PIK3R3: variants seen among roughly 807,000 people sequenced by gnomAD.
The protein encoded by PIK3R3 is phosphatidylinositol 3-kinase regulatory subunit gamma.
PIK3R3 carries 64 observed loss-of-function variants against 62.9 expected under a neutral mutation model. The ratio of observed to expected loss-of-function variants is 1.02; its 90% CI spans 0.83 to 1.25. PIK3R3 has a LOEUF of 1.25. Ranked by LOEUF, PIK3R3 falls within the 50% of genes most tolerant of loss-of-function variation. PIK3R3 has a pLI of 0.00. For synonymous variants in PIK3R3, 165 were observed against 189.0 expected (o/e 0.87, Z 1.04); for missense variants, 614 against 561.6 (o/e 1.09, Z -0.94).
intron 1 of PIK3R3, among the ~76,000 whole-genome samples, chr1:46,128,915 T>C (rs1354383337): frequency 8.6e-5 from 13 of 152,002 alleles, no homozygotes; most frequent in Admixed American, 7.9e-4. Context: ...CTACTAACAA[T>C]ACAAAAATTA....
chr1:46,045,362 CTG>C (rs1647081024), intron 9 of PIK3R3, among the ~76,000 whole-genome samples: 1 of 152,126 alleles, frequency 6.6e-6, no homozygotes, highest in Non-Finnish European at 1.5e-5. Flanking sequence ...AAAAATCTGA[CTG>C]AAGCACAGTT....
chr1:46,170,973 T>C, the PIK3R3 span, among the ~76,000 whole-genome samples: 3 of 152,270 alleles, frequency 2.0e-5, no homozygotes, highest in South Asian at 6.2e-4. Context: ...AATTCTGTGA[T>C]GCTAAGATTC....
chr1:46,078,542 A>C (rs1043716937), intron 2 of PIK3R3, among the ~76,000 whole-genome samples: 11 of 151,288 alleles, frequency 7.3e-5, no homozygotes, highest in African/African-American at 2.7e-4. Context: ...ACTCTATCTC[A>C]AAAAAAAAAT....
At chr1:46,140,381 A>G in the PIK3R3 span, among the ~76,000 whole-genome samples, 1 of 152,194 alleles carries the variant, frequency 6.6e-6, no homozygotes, top group Non-Finnish European at 1.5e-5. Flanking sequence ...GACATTGGGG[A>G]AAAATTACCA....
the PIK3R3 span, among the ~76,000 whole-genome samples, chr1:46,171,626 C>T: frequency 2.6e-5 from 4 of 152,134 alleles, no homozygotes; most frequent in South Asian, 2.1e-4. Context: ...TCCAGCCTGG[C>T]GCCCCAGGGG....
At chr1:46,164,386 T>G in the PIK3R3 span, among the ~76,000 whole-genome samples, 11 of 152,146 alleles carry the variant, frequency 7.2e-5, no homozygotes, top group Non-Finnish European at 1.0e-4. Flanking sequence ...GCCAACACTG[T>G]GGTTCATACC....
chr1:46,054,613 T>C (rs1647697561), intron 7 of PIK3R3, among the ~76,000 whole-genome samples: 1 of 152,150 alleles, frequency 6.6e-6, no homozygotes, highest in Non-Finnish European at 1.5e-5. Flanking sequence ...AGGTCACCCA[T>C]AGATGCATTT....
the PIK3R3 span, among the ~76,000 whole-genome samples, chr1:46,162,660 C>T: frequency 6.6e-6 from 1 of 152,060 alleles, no homozygotes; most frequent in Non-Finnish European, 1.5e-5. Flanking sequence ...CTTGCTCTGT[C>T]GCCCAGGCTG....
chr1:46,066,158 TATC>T lies in PIK3R3; in HGVS notation c.514_516del (p.Asp172del). On this transcript the variant is annotated inframe_deletion, in exon 5 of 10. Transcript: ENST00000262741. ...AGTTTTTTACCTACTGCATCAATAT[TATC>T]TTCTTTTACCAACTGATCCTATACA... 6.3e-7 allele frequency: 1 copy of T among 1,577,148 alleles called. No individual in the cohort carries two copies. Among genetic ancestry groups the T allele is most frequent in the Non-Finnish European group, 8.7e-7 (1 of 1,147,252 alleles).
At chr1:46,104,688 G>T (rs921131669) in intron 1 of PIK3R3, among the ~76,000 whole-genome samples, 9 of 152,090 alleles carry the variant, frequency 5.9e-5, no homozygotes, top group Admixed American at 6.6e-5. Context: ...CAGCACTTTG[G>T]AAGGCTGAGG....
At chr1:46,174,767 T>C in the PIK3R3 span, among the ~76,000 whole-genome samples, 1 of 152,164 alleles carries the variant, frequency 6.6e-6, no homozygotes, top group Non-Finnish European at 1.5e-5. Flanking sequence ...CCCTACTTTC[T>C]GGGCTCAAAC....
chr1:46,044,340 C>T lies in PIK3R3; in HGVS notation c.1188-469G>A, dbSNP rs1344707515. Among the ~76,000 whole-genome samples the T allele has an allele frequency of 1.3e-5, 2 of 152,112 alleles. No homozygotes were observed. Among genetic ancestry groups the T allele is most frequent in the Non-Finnish European group, 2.9e-5 (2 of 68,010 alleles). Reference sequence around the variant, plus strand: ...CCTCCTGCCTTAGCCTATTAAAATGCTGGGATTACAGGTGTGAGCCACCAC... The same window carrying T: ...CCTCCTGCCTTAGCCTATTAAAATGTTGGGATTACAGGTGTGAGCCACCAC... On this transcript the variant is annotated intron_variant, in intron 9 of 9. Transcript: ENST00000262741. The surrounding 1 kb of genome is among the most constrained non-coding windows in gnomAD (Gnocchi z 4.2).
chr1:46,128,165 T>C (rs113775731), intron 1 of PIK3R3, among the ~76,000 whole-genome samples: 2 of 152,334 alleles, frequency 1.3e-5, no homozygotes, highest in African/African-American at 2.4e-5. Flanking sequence ...CTAGGCATAG[T>C]GGCTCACGTC....
At chr1:46,047,549 T>G (rs761092082) in intron 7 of PIK3R3, among the ~76,000 whole-genome samples, 2 of 152,168 alleles carry the variant, frequency 1.3e-5, no homozygotes, top group Non-Finnish European at 2.9e-5. Context: ...TCCTTTCAGA[T>G]GGCCAATAGT....
intron 6 of PIK3R3, among the ~76,000 whole-genome samples, chr1:46,059,388 T>C (rs528869757): frequency 9.4e-4 from 143 of 152,342 alleles, no homozygotes; most frequent in African/African-American, 3.2e-3. Context: ...AAACATTCCC[T>C]GACATTATCT....
Position 46,132,023 on chromosome 1 carries a change from TA to T in PIK3R3, c.-72del. ...ATTTTTTATCTGGTATTTAAAAATC[TA>T]AAAATATATATCTGCAAAAGTTCCA... On this transcript the variant is annotated 5_prime_UTR_variant, in exon 1 of 10. Coordinates refer to ENST00000262741, the MANE Select transcript of PIK3R3 (RefSeq NM_003629.4). 6.4e-7 allele frequency: 1 copy of T among 1,568,234 alleles called. No homozygotes were observed. The highest frequency in any genetic ancestry group is 1.9e-5 in the Admixed American group (1 of 52,734).
At position 46,132,617 on chromosome 1, in the gene PIK3R3, T is replaced by C; in HGVS notation, c.-665A>G. On this transcript the variant is annotated 5_prime_UTR_variant, in exon 1 of 10. Coordinates refer to ENST00000262741, the MANE Select transcript of PIK3R3 (RefSeq NM_003629.4). ...ACCAACCCGACCGCACCAACTGCCC[T>C]CAAGCTCTGCCCGGACTCCAGCCAC... is the stretch of plus-strand genomic sequence containing the variant. 1 of 1,289,558 alleles carries C rather than the reference T, an allele frequency of 7.8e-7. No homozygotes were observed. The highest frequency in any genetic ancestry group is 1.0e-6 in the Non-Finnish European group (1 of 988,740). 79.9% of individuals were successfully genotyped at this position (1,289,558 alleles called of 1,614,324 possible).
chr1:46,067,000 G>C lies in PIK3R3; in HGVS notation c.406C>G (p.Leu136Val), dbSNP rs1397949671. The stretch of plus-strand genomic sequence containing the variant: ...GATTCATGGTGATAGTGGTTAATGA[G>C]CTCCACCACGGAATTAAATGTCAGA... ...DPLTFNSVVE[L>V]INHYHHESLA... Residue 136 changes from leucine (L) to valine (V), a missense_variant, in exon 4 of 10, where the codon CTC becomes GTC. By Grantham distance (32) the Leu-to-Val change is conservative (BLOSUM62 1). Coordinates refer to ENST00000262741, the MANE Select transcript of PIK3R3 (RefSeq NM_003629.4). 1 of 1,606,422 alleles carries C rather than the reference G, an allele frequency of 6.2e-7. No individual in the cohort carries two copies. Among genetic ancestry groups the C allele is most frequent in the Non-Finnish European group, 8.5e-7 (1 of 1,176,486 alleles).
intron 1 of PIK3R3, among the ~76,000 whole-genome samples, chr1:46,130,960 C>T (rs1655527133): frequency 6.6e-6 from 1 of 152,064 alleles, no homozygotes; most frequent in African/African-American, 2.4e-5. Context: ...TCCTTTCCTA[C>T]CAGATACACA....
Sources: allele counts gnomAD v4.1 joint callset (sites outside exome capture counted in the v4.1 genomes callset), GRCh38; gene constraint gnomAD v4.1.1; non-coding constraint Gnocchi (gnomAD v3.1); transcripts MANE v1.5; gene names NCBI Gene and HGNC (gene_info 2026-07-23, HGNC 2026-07-21).